Variants in LHFPL3 observed in about 807,000 individuals in gnomAD.
The protein encoded by LHFPL3 is LHFPL tetraspan subfamily member 3, also known as LHFPL tetraspan subfamily member 3 protein.
In LHFPL3, 5 loss-of-function variants were observed where a neutral mutation model predicts 19.3. The observed-to-expected ratio is 0.26, with a 90% CI of 0.14 to 0.54. LHFPL3 has a LOEUF of 0.54. Among genes scored for constraint, LHFPL3 ranks in the 20% least tolerant of loss-of-function variants. LHFPL3 has a pLI of 0.94. For missense variants in LHFPL3, 249 were observed against 307.4 expected (o/e 0.81, Z 1.42); for synonymous variants, 133 against 126.2 (o/e 1.05, Z -0.36).
intron 1 of LHFPL3, among the ~76,000 whole-genome samples, chr7:104,451,827 C>T (rs1294754365): frequency 1.3e-5 from 2 of 152,024 alleles, no homozygotes; most frequent in African/African-American, 4.8e-5. Flanking sequence ...TCACTGCAAC[C>T]TCCGCCTCCA....
At chr7:104,430,397 T>TATATATACATATATATATATATAC (rs1791951277) in intron 1 of LHFPL3, among the ~76,000 whole-genome samples, 2 of 43,226 alleles carry the variant, frequency 4.6e-5, no homozygotes, top group African/African-American at 3.8e-4. Flanking sequence ...TATATATATA[T>TATATATACATATATATATATATAC]ATATATACAT....
At chr7:104,331,074 C>T (rs562562029) in intron 1 of LHFPL3, among the ~76,000 whole-genome samples, 10 of 152,312 alleles carry the variant, frequency 6.6e-5, no homozygotes, top group South Asian at 2.1e-4. Context: ...TCTAACCCCC[C>T]GCTTTTTGAA....
intron 1 of LHFPL3, among the ~76,000 whole-genome samples, chr7:104,479,390 C>A (rs1282314937): frequency 9.1e-6 from 1 of 109,834 alleles, no homozygotes; most frequent in Non-Finnish European, 2.0e-5. Context: ...GGTGCTTCTT[C>A]CACTTCTTTT....
intron 2 of LHFPL3, among the ~76,000 whole-genome samples, chr7:104,831,057 T>TA: frequency 6.6e-6 from 1 of 151,896 alleles, no homozygotes; most frequent in Non-Finnish European, 1.5e-5. Context: ...CTAGAAAGAA[T>TA]AAAAAATTAT....
chr7:104,881,790 A>G (rs1792062355), intron 2 of LHFPL3, among the ~76,000 whole-genome samples: 1 of 152,218 alleles, frequency 6.6e-6, no homozygotes, highest in Non-Finnish European at 1.5e-5. Context: ...CTTCCATGAA[A>G]GGAAACTTCC....
At chr7:104,425,247 G>T (rs1261034245) in intron 1 of LHFPL3, among the ~76,000 whole-genome samples, 1 of 152,090 alleles carries the variant, frequency 6.6e-6, no homozygotes, top group African/African-American at 2.4e-5. Context: ...TTTTGGTGGG[G>T]TGGGGGTATC....
chr7:104,472,359 G>A (rs370263455), intron 1 of LHFPL3, among the ~76,000 whole-genome samples: 4 of 152,104 alleles, frequency 2.6e-5, no homozygotes, highest in Non-Finnish European at 4.4e-5. Context: ...TGGATAACAC[G>A]AAACACTATC....
intron 2 of LHFPL3, among the ~76,000 whole-genome samples, chr7:104,848,970 C>T (rs903734815): frequency 6.6e-5 from 10 of 151,892 alleles, no homozygotes; most frequent in Admixed American, 2.6e-4. Context: ...GTCAGATTGC[C>T]AGGCTGGAGT....
In LHFPL3 at chr7:104,626,688, C is replaced by A. The variant is rs537564256; in HGVS notation, c.446-109987C>A. On this transcript the variant is annotated intron_variant, in intron 1 of 2. Coordinates refer to ENST00000424859, the MANE Select transcript of LHFPL3 (RefSeq NM_199000.3). ...GGTGTGGGTTGTTATGGTGATAGAA[C>A]CTCTGCAGGAGGAAGTAGAAGATGT... Among the ~76,000 whole-genome samples the A allele has an allele frequency of 3.3e-5, 5 of 152,246 alleles. No individual in the cohort carries two copies. In the South Asian group the frequency reaches 1.0e-3, roughly 32 times the overall value.
At chr7:104,376,557 T>C (rs141882247) in intron 1 of LHFPL3, among the ~76,000 whole-genome samples, 111 of 152,272 alleles carry the variant, frequency 7.3e-4, no homozygotes, top group African/African-American at 2.6e-3. Flanking sequence ...GGAATGTAGG[T>C]TTTCAGGATG....
chr7:104,587,594 CT>C (rs558769832), intron 1 of LHFPL3, among the ~76,000 whole-genome samples: 90 of 152,280 alleles, frequency 5.9e-4, no homozygotes, highest in African/African-American at 2.1e-3. Context: ...GTTCATGTGT[CT>C]TTATAGCAGC....
intron 1 of LHFPL3, among the ~76,000 whole-genome samples, chr7:104,386,236 T>C (rs1016701353): frequency 6.6e-6 from 1 of 152,184 alleles, no homozygotes; most frequent in Non-Finnish European, 1.5e-5. Flanking sequence ...CAGGGCATTG[T>C]CATTATTTGA....
intron 1 of LHFPL3, among the ~76,000 whole-genome samples, chr7:104,624,747 A>G (rs939489591): frequency 2.6e-5 from 4 of 152,230 alleles, no homozygotes; most frequent in African/African-American, 9.6e-5. Context: ...CAATGCAAAA[A>G]AAATAAAATA....
intron 2 of LHFPL3, among the ~76,000 whole-genome samples, chr7:104,888,672 T>C (rs1313040689): frequency 2.0e-5 from 3 of 152,228 alleles, no homozygotes; most frequent in African/African-American, 4.8e-5. Flanking sequence ...ACAATGTCAG[T>C]GAGGAAGATT....
intron 1 of LHFPL3, among the ~76,000 whole-genome samples, chr7:104,513,114 G>A (rs978500354): frequency 6.6e-6 from 1 of 152,176 alleles, no homozygotes; most frequent in African/African-American, 2.4e-5. Context: ...GAGGCTATGT[G>A]CCAAGCTGAC....
chr7:104,543,565 C>T (rs1448925209), intron 1 of LHFPL3, among the ~76,000 whole-genome samples: 1 of 151,728 alleles, frequency 6.6e-6, no homozygotes, highest in Non-Finnish European at 1.5e-5. Context: ...ACATATACAC[C>T]ATGGAATACT....
At chr7:104,783,605 C>A (rs896400975) in intron 2 of LHFPL3, among the ~76,000 whole-genome samples, 2 of 152,190 alleles carry the variant, frequency 1.3e-5, no homozygotes, top group African/African-American at 4.8e-5. Context: ...TGCTTTCATG[C>A]TTGCATAATA....
intron 2 of LHFPL3, among the ~76,000 whole-genome samples, chr7:104,745,142 C>T (rs763154946): frequency 2.0e-5 from 3 of 152,234 alleles, no homozygotes; most frequent in Non-Finnish European, 4.4e-5. Context: ...TGGTGGTTGG[C>T]TGACACTTCC....
At chr7:104,831,087 C>T (rs1260437768) in intron 2 of LHFPL3, among the ~76,000 whole-genome samples, 1 of 151,846 alleles carries the variant, frequency 6.6e-6, no homozygotes, top group Non-Finnish European at 1.5e-5. Flanking sequence ...AATGTTTTTC[C>T]TATAACTCAT....
Sources: allele counts gnomAD v4.1 joint callset (sites outside exome capture counted in the v4.1 genomes callset), GRCh38; gene constraint gnomAD v4.1.1; transcripts MANE v1.5; gene names NCBI Gene and HGNC (gene_info 2026-07-23, HGNC 2026-07-21).